PIP5K1C: variants seen among roughly 807,000 people sequenced by gnomAD.
The protein encoded by PIP5K1C is phosphatidylinositol 4-phosphate 5-kinase type-1 gamma.
A neutral mutation model predicts 80.1 loss-of-function variants in PIP5K1C; 45 were observed. That is an observed-to-expected ratio of 0.56 (90% CI 0.44 to 0.72). The LOEUF (loss-of-function observed/expected upper bound fraction) is 0.72, where lower values mean the gene tolerates loss of function less well. PIP5K1C is among the 30% of genes least tolerant of loss of function. The pLI is 0.00. For missense variants in PIP5K1C, 753 were observed against 954.6 expected, an observed-to-expected ratio of 0.79 and a Z score of 2.78; for synonymous variants, 498 against 420.1, an observed-to-expected ratio of 1.19 and a Z score of -2.27.
At chr19:3,653,674 G>T in intron 6 of PIP5K1C, 85 bp from the exon 7 acceptor site, 1 of 1,259,688 alleles carries the variant, frequency 7.9e-7, no homozygotes, top group Non-Finnish European at 1.1e-6. Context: ...GCCTCAGGGG[G>T]CTCATGGATG....
At chr19:3,656,324 G>C (rs1284605148) in intron 6 of PIP5K1C, 81 bp downstream of exon 6, 2 of 1,531,780 alleles carry the variant, frequency 1.3e-6, no homozygotes, top group Non-Finnish European at 1.8e-6. Flanking sequence ...GCTTGCCCAA[G>C]CCTTGCAGAC....
chr19:3,645,184 C>A (rs1387539063), intron 11 of PIP5K1C, among the ~76,000 whole-genome samples: 1 of 152,246 alleles, frequency 6.6e-6, no homozygotes, highest in Non-Finnish European at 1.5e-5. Flanking sequence ...CTCCCTGCAA[C>A]CCCCGTGGGT....
At chr19:3,654,618 C>G (rs1317877081) in intron 6 of PIP5K1C, among the ~76,000 whole-genome samples, 1 of 151,408 alleles carries the variant, frequency 6.6e-6, no homozygotes, top group Non-Finnish European at 1.5e-5. Flanking sequence ...GAGTTTGAGA[C>G]CAGCCTGGCC....
At chr19:3,650,785 T>C (rs940632435) in intron 8 of PIP5K1C, among the ~76,000 whole-genome samples, 2 of 152,188 alleles carry the variant, frequency 1.3e-5, no homozygotes, top group Non-Finnish European at 2.9e-5. Context: ...GGACAGAGTT[T>C]AGCTCTTGTT....
At chr19:3,698,955 CCCCGCTCT>C (rs2036209720) in intron 1 of PIP5K1C, among the ~76,000 whole-genome samples, 1 of 150,092 alleles carries the variant, frequency 6.7e-6, no homozygotes, top group Non-Finnish European at 1.5e-5. Context: ...CCCCCCACTC[CCCCGCTCT>C]CCCACCCCAC....
At chr19:3,700,264 G>A in intron 1 of PIP5K1C, 33 bp downstream of exon 1, 3 of 1,163,192 alleles carry the variant, frequency 2.6e-6, no homozygotes, top group Non-Finnish European at 3.2e-6. Context: ...GACGAGCCCA[G>A]CGGGCCGCAG....
Position 3,700,292 on chromosome 19 carries a change from G to A in PIP5K1C, c.94+5C>T, listed in dbSNP as rs1162847256. The stretch of plus-strand genomic sequence containing the variant: ...GGCCGCAGCCCCGGGAGGCCGGGCC[G>A]TTACCTGCCGCCGCCCCGCTCTCTG... On this transcript the variant is annotated splice_donor_5th_base_variant and intron_variant, in intron 1 of 17. Transcript: ENST00000335312. The A allele has an allele frequency of 2.4e-6, 3 of 1,272,038 alleles. No homozygotes were observed. Among genetic ancestry groups the A allele is most frequent in the South Asian group, 1.6e-5 (1 of 62,636 alleles). The allele number at this position is 1,272,038 out of a possible 1,614,324, so 78.8% of individuals were successfully genotyped here. A position where few individuals can be genotyped will look rare whatever the true frequency, so the allele number is the denominator to read the frequency against.
Position 3,648,519 on chromosome 19 carries a change from G to A in PIP5K1C, c.1211+106C>T, listed in dbSNP as rs9676740. ...GCAGACCCAGGCGCCCACCTGTGGG[G>A]CTGCAGACCCGGGCGCCCACCTGTG... On this transcript the variant is annotated intron_variant, in intron 9 of 17. Transcript: ENST00000335312. This position sits in a 1 kb window ranked among gnomAD's most constrained non-coding sequence, Gnocchi z 4.3. 49 of 468,636 alleles carry A rather than the reference G, an allele frequency of 1.0e-4. No homozygotes were observed. The highest frequency in any genetic ancestry group is 1.6e-4 in the Non-Finnish European group (43 of 276,548). 29.0% of individuals were successfully genotyped at this position (468,636 alleles called of 1,614,324 possible).
At chr19:3,680,906 T>C (rs1300899577) in intron 1 of PIP5K1C, among the ~76,000 whole-genome samples, 1 of 152,116 alleles carries the variant, frequency 6.6e-6, no homozygotes, top group East Asian at 1.9e-4. Flanking sequence ...GTGATTGTCA[T>C]GACTAAGGGT....
intron 1 of PIP5K1C, among the ~76,000 whole-genome samples, chr19:3,678,072 GAAGGAGAAT>G (rs2035439741): frequency 7.4e-6 from 1 of 134,594 alleles, no homozygotes; most frequent in African/African-American, 2.9e-5. Context: ...TGGAGAGATG[GAAGGAGAAT>G]GGAGGATGGA....
Position 3,637,400 on chromosome 19 carries a change from C to T in PIP5K1C, c.1920+1484G>A. On this transcript the variant is annotated intron_variant, in intron 16 of 17. Coordinates refer to ENST00000335312, the MANE Select transcript of PIP5K1C (RefSeq NM_012398.3). The surrounding 1 kb of genome is among the most constrained non-coding windows in gnomAD (Gnocchi z 7.0). ...GGGCCAGCGTGGCTGACCTCAATTG[C>T]AGCCGTGATTTACCCAAAGCCCTTC... The T allele has an allele frequency of 1.3e-6, 2 of 1,535,546 alleles. No homozygotes were observed. The highest frequency in any genetic ancestry group is 1.7e-6 in the Non-Finnish European group (2 of 1,146,766).
chr19:3,647,917 G>A (rs1295610803), intron 9 of PIP5K1C, among the ~76,000 whole-genome samples: 1 of 152,202 alleles, frequency 6.6e-6, no homozygotes, highest in Non-Finnish European at 1.5e-5. Flanking sequence ...AATGCTCTTC[G>A]GCCTGAGTGA....
intron 5 of PIP5K1C, among the ~76,000 whole-genome samples, chr19:3,658,214 G>A (rs72980686): frequency 0.08 from 12,126 of 152,282 alleles, 981 homozygotes; most frequent in East Asian, 0.26. Context: ...AACACAGGCT[G>A]GATTTTGCGG....
Position 3,700,360 on chromosome 19 carries a change from T to G in PIP5K1C, c.31A>C (p.Ser11Arg). The G allele has an allele frequency of 1.6e-6, 2 of 1,282,278 alleles. No homozygotes were observed. The highest frequency in any genetic ancestry group is 1.0e-6 in the Non-Finnish European group (1 of 997,462). 79.4% of individuals were successfully genotyped at this position (1,282,278 alleles called of 1,614,324 possible). ...GAGGGCACGGCCCCCGCCTCAGCGC[T>G]CTCCGCCTCGTCCGGTACCTCCAGC... Reference protein sequence around the residue: MELEVPDEAESAEAGAVPSEA... With the variant: MELEVPDEAERAEAGAVPSEA... Residue 11 changes from serine (S) to arginine (R), a missense_variant, in exon 1 of 18, where the codon AGC becomes CGC. Physicochemically the swap from Ser to Arg is moderately radical, Grantham distance 110. Coordinates refer to ENST00000335312, the MANE Select transcript of PIP5K1C (RefSeq NM_012398.3).
intron 1 of PIP5K1C, among the ~76,000 whole-genome samples, chr19:3,693,820 T>C (rs569320897): frequency 6.6e-6 from 1 of 152,064 alleles, no homozygotes; most frequent in East Asian, 1.9e-4. Context: ...CCCCAGCACT[T>C]TGGGAGGTGG....
intron 3 of PIP5K1C, among the ~76,000 whole-genome samples, chr19:3,663,694 C>T (rs1390135175): frequency 6.6e-6 from 1 of 152,222 alleles, no homozygotes; most frequent in African/African-American, 2.4e-5. Context: ...CCACCTCACA[C>T]CCATGAGGAC....
chr19:3,645,062 C>T (rs1255372572), intron 11 of PIP5K1C, among the ~76,000 whole-genome samples: 3 of 152,240 alleles, frequency 2.0e-5, no homozygotes, highest in African/African-American at 7.2e-5. Context: ...CTGCCAATTC[C>T]CACGGTGTTG....
At position 3,661,942 on chromosome 19, in the gene PIP5K1C, G is replaced by A. The variant is rs914929197; in HGVS notation, c.279C>T (p.His93=). ...IQLGIGYTVG[H]LSSKPERDVL... is the part of the protein sequence containing the mutation. Reference sequence around the variant, plus strand: ...CGTCGCGTTCGGGCTTGGAGCTCAGGTGGCCCACGGTGTAGCCGATGCCCA... The same window carrying A: ...CGTCGCGTTCGGGCTTGGAGCTCAGATGGCCCACGGTGTAGCCGATGCCCA... Residue 93 remains histidine (H), a synonymous_variant, in exon 4 of 18, where the codon CAC becomes CAT. Transcript: ENST00000335312. 1 of 1,611,756 alleles carries A rather than the reference G, an allele frequency of 6.2e-7. No individual in the cohort carries two copies. Among genetic ancestry groups the A allele is most frequent in the East Asian group, 2.2e-5 (1 of 44,830 alleles).
chr19:3,700,066 CG>C (rs1359466422), intron 1 of PIP5K1C, among the ~76,000 whole-genome samples: 1 of 152,154 alleles, frequency 6.6e-6, no homozygotes, highest in Non-Finnish European at 1.5e-5. Flanking sequence ...CACGCCGAGT[CG>C]CCCCCGGCCC....
Sources: allele counts gnomAD v4.1 joint callset (sites outside exome capture counted in the v4.1 genomes callset), GRCh38; gene constraint gnomAD v4.1.1; non-coding constraint Gnocchi (gnomAD v3.1); transcripts MANE v1.5; gene names NCBI Gene and HGNC (gene_info 2026-07-23, HGNC 2026-07-21).